Variants in RUNX2 observed in about 807,000 individuals in gnomAD.
RUNX2 encodes runt-related transcription factor 2.
RUNX2 carries 10 observed loss-of-function variants against 51.7 expected under a neutral mutation model. That is an observed-to-expected ratio of 0.19 (90% CI 0.12 to 0.33). The LOEUF (loss-of-function observed/expected upper bound fraction) is 0.33. RUNX2 is among the 10% of genes least tolerant of loss of function. RUNX2 has a pLI of 1.00. For synonymous variants in RUNX2, 276 were observed against 273.6 expected (o/e 1.01, Z -0.09); for missense variants, 562 against 691.3 (o/e 0.81, Z 2.10).
intron 5 of RUNX2, among the ~76,000 whole-genome samples, chr6:45,441,861 A>G (rs1463314749): frequency 1.3e-5 from 2 of 152,256 alleles, no homozygotes; most frequent in Non-Finnish European, 2.9e-5. Context: ...GGCCTTGCCT[A>G]TCAACACATC....
At chr6:45,490,472 G>A (rs1301180929) in intron 5 of RUNX2, among the ~76,000 whole-genome samples, 1 of 152,078 alleles carries the variant, frequency 6.6e-6, no homozygotes, top group East Asian at 1.9e-4. Context: ...CTTCCTATCT[G>A]TTTTCTTTGG....
rs777636640 is a variant in RUNX2, at chr6:45,404,288, GA to G, written c.59-18295del. On this transcript the variant is annotated intron_variant, in intron 2 of 8. Transcript: ENST00000647337. ...AAAAAAAAAAAAGAAAAAGAAAAAAGAAAAAAAAAAGGAAAAAAAAGAAAAA... is the reference window on the plus strand; with the variant it reads ...AAAAAAAAAAAAGAAAAAGAAAAAAGAAAAAAAAAGGAAAAAAAAGAAAAA... Among the ~76,000 whole-genome samples, 309 of 106,122 alleles carry G rather than the reference GA, an allele frequency of 2.9e-3. 1 individual carries two copies. Among genetic ancestry groups the G allele is most frequent in the Middle Eastern group, 5.3e-3 (1 of 188 alleles). The allele number at this position is 106,122 out of a possible 152,430, so 69.6% of individuals were successfully genotyped here. A position where few individuals can be genotyped will look rare whatever the true frequency, so the allele number is the denominator to read the frequency against.
intron 6 of RUNX2, among the ~76,000 whole-genome samples, chr6:45,493,088 T>C (rs892391371): frequency 1.3e-5 from 2 of 152,226 alleles, no homozygotes; most frequent in Admixed American, 1.3e-4. Flanking sequence ...ATAAGCAGAA[T>C]GACCTATCTC....
chr6:45,385,378 C>T (rs1054714908), intron 2 of RUNX2, among the ~76,000 whole-genome samples: 1 of 152,174 alleles, frequency 6.6e-6, no homozygotes, highest in African/African-American at 2.4e-5. Context: ...TGGCTCTGAA[C>T]TTCCCCTTAC....
At chr6:45,422,056 G>T in intron 2 of RUNX2, 1 of 147,966 alleles carries the variant, frequency 6.8e-6, no homozygotes, top group South Asian at 2.1e-4. Context: ...CGGCGCGGGA[G>T]GGCGGAGGCG....
rs10564853 is a variant in RUNX2, at chr6:45,443,036, CTTTTTTTTTTTTTT to C, written c.685+5000_685+5013del. On this transcript the variant is annotated intron_variant, in intron 5 of 8. Transcript: ENST00000647337. ...CAAAAGTGAGAGTTCTCAGGCCTTG[CTTTTTTTTTTTTTT>C]TTTTTTTTTTTTTTGAGATGAGGTC... Among the ~76,000 whole-genome samples the C allele has an allele frequency of 7.7e-5, 4 of 52,206 alleles. No individual in the cohort carries two copies. In the East Asian group the frequency reaches 2.4e-3, roughly 31 times the overall value. 34.2% of individuals were successfully genotyped at this position (52,206 alleles called of 152,430 possible). A position where few individuals can be genotyped will look rare whatever the true frequency, so the allele number is the denominator to read the frequency against.
At chr6:45,328,926 A>C in intron 2 of RUNX2, 142 bp downstream of exon 2, 1 of 909,906 alleles carries the variant, frequency 1.1e-6, no homozygotes, top group Non-Finnish European at 1.7e-6. Context: ...GAATTGAAAA[A>C]TGAAATTTCT....
intron 6 of RUNX2, among the ~76,000 whole-genome samples, chr6:45,492,370 G>A (rs1173551683): frequency 6.6e-6 from 1 of 152,054 alleles, no homozygotes; most frequent in Non-Finnish European, 1.5e-5. Context: ...CTGGTGGAAC[G>A]GTAATAATGC....
At chr6:45,478,211 T>C (rs541310419) in intron 5 of RUNX2, among the ~76,000 whole-genome samples, 1 of 152,328 alleles carries the variant, frequency 6.6e-6, no homozygotes, top group African/African-American at 2.4e-5. Flanking sequence ...CACACTGCTG[T>C]AATTATTTGT....
In RUNX2 at chr6:45,383,199, C is replaced by G. The variant is rs1161629623; in HGVS notation, c.59-39394C>G. On this transcript the variant is annotated intron_variant, in intron 2 of 8. Transcript: ENST00000647337. ...CCTATAATTCCAGCACTTTGGGAGGCCAAGGCAGGTGGATCATTTGAGGCC... is the reference window on the plus strand; with the variant it reads ...CCTATAATTCCAGCACTTTGGGAGGGCAAGGCAGGTGGATCATTTGAGGCC... 3.3e-5 allele frequency among the ~76,000 whole-genome samples: 5 copies of G among 152,084 alleles called. No homozygotes were observed. The East Asian group carries it at 9.6e-4, about 29-fold the overall frequency.
At position 45,465,194 on chromosome 6, in the gene RUNX2, T is replaced by C. The variant is rs117646345; in HGVS notation, c.686-26747T>C. 2.0e-4 allele frequency among the ~76,000 whole-genome samples: 30 copies of C among 152,282 alleles called. No individual in the cohort carries two copies. In the East Asian group the frequency reaches 5.8e-3, roughly 29 times the overall value. ...TTATAAGCCTTGGCCAATCCATCCATTTCTTGTAGGCATTCCATAGATACT... is the reference window on the plus strand; with the variant it reads ...TTATAAGCCTTGGCCAATCCATCCACTTCTTGTAGGCATTCCATAGATACT... On this transcript the variant is annotated intron_variant, in intron 5 of 8. Transcript: ENST00000647337.
chr6:45,413,898 T>C (rs1196594322), intron 2 of RUNX2, among the ~76,000 whole-genome samples: 2 of 152,124 alleles, frequency 1.3e-5, no homozygotes, highest in Admixed American at 6.5e-5. Context: ...TGAGATGAAA[T>C]GATGGAGGCC....
At chr6:45,370,872 T>A (rs898195624) in intron 2 of RUNX2, among the ~76,000 whole-genome samples, 1 of 152,140 alleles carries the variant, frequency 6.6e-6, no homozygotes. Context: ...AAGTTTCTAT[T>A]CCATATGCTT....
At chr6:45,516,807 T>C (rs1314905338) in intron 7 of RUNX2, among the ~76,000 whole-genome samples, 2 of 152,254 alleles carry the variant, frequency 1.3e-5, no homozygotes, top group South Asian at 2.1e-4. Flanking sequence ...TGGAAGTCAT[T>C]ACAAAATACT....
chr6:45,501,028 G>A (rs1207469315), intron 6 of RUNX2, among the ~76,000 whole-genome samples: 1 of 152,180 alleles, frequency 6.6e-6, no homozygotes, highest in African/African-American at 2.4e-5. Context: ...CGTTCAGGTG[G>A]GAAGGGGAAG....
intron 7 of RUNX2, among the ~76,000 whole-genome samples, chr6:45,523,890 C>G (rs187387770): frequency 6.6e-6 from 1 of 151,882 alleles, no homozygotes; most frequent in Non-Finnish European, 1.5e-5. Context: ...TGAGATCATG[C>G]CACTGCACTC....
At chr6:45,484,993 A>T (rs1012291508) in intron 5 of RUNX2, among the ~76,000 whole-genome samples, 2 of 152,140 alleles carry the variant, frequency 1.3e-5, no homozygotes, top group Non-Finnish European at 2.9e-5. Flanking sequence ...AAACTGTTAC[A>T]TCCTGTGGCT....
At chr6:45,535,078 CTGGG>C (rs1801988454) in intron 7 of RUNX2, among the ~76,000 whole-genome samples, 1 of 152,072 alleles carries the variant, frequency 6.6e-6, no homozygotes, top group Non-Finnish European at 1.5e-5. Context: ...ACGGTGCACA[CTGGG>C]GCCTATTGGA....
chr6:45,460,989 T>C (rs574879562), intron 5 of RUNX2, among the ~76,000 whole-genome samples: 1 of 152,304 alleles, frequency 6.6e-6, no homozygotes, highest in African/African-American at 2.4e-5. Context: ...ACAAGATCAC[T>C]TGGAGGAAAT....
Sources: gnomAD v4.1 joint callset for allele counts (sites outside exome capture counted in the v4.1 genomes callset) on GRCh38, gnomAD v4.1.1 for gene constraint, MANE v1.5 for transcripts, NCBI Gene and HGNC (gene_info 2026-07-23, HGNC 2026-07-21) for gene names.